Variants in PHKB observed in about 807,000 individuals in gnomAD.
PHKB encodes phosphorylase b kinase regulatory subunit beta.
PHKB carries 122 observed loss-of-function variants against 152.1 expected under a neutral mutation model. The observed-to-expected ratio is 0.80, with a 90% CI of 0.69 to 0.93. The LOEUF (loss-of-function observed/expected upper bound fraction) is 0.93, where lower values mean the gene tolerates loss of function less well. Among genes scored for constraint, PHKB ranks in the 40% least tolerant of loss-of-function variants. The probability of loss-of-function intolerance (pLI) is 0.00; values close to 1 mark genes in which losing one functional copy is unlikely to be tolerated. For missense variants in PHKB, 1,304 were observed against 1,328.4 expected, an observed-to-expected ratio of 0.98 and a Z score of 0.29; for synonymous variants, 436 against 464.9, an observed-to-expected ratio of 0.94 and a Z score of 0.80.
chr16:47,685,467 T>C (rs1212093271), intron 26 of PHKB, among the ~76,000 whole-genome samples: 5 of 152,140 alleles, frequency 3.3e-5, no homozygotes, highest in Non-Finnish European at 7.3e-5. Context: ...AATTATCAAA[T>C]CAGATTTTAT....
At position 47,643,935 on chromosome 16, in the gene PHKB, C is replaced by T. The variant is rs183470162; in HGVS notation, c.1608+2243C>T. On this transcript the variant is annotated intron_variant, in intron 16 of 30. Transcript: ENST00000323584. ...GGGTAGTTTCTGCTCTATGTATTTC[C>T]GGGTAGTTTGGTCACTACTGTGTCT... is the stretch of plus-strand genomic sequence containing the variant. Among the ~76,000 whole-genome samples, 8 of 152,170 alleles carry T rather than the reference C, an allele frequency of 5.3e-5. No individual in the cohort carries two copies. The South Asian group carries it at 8.3e-4, about 16-fold the overall frequency.
In PHKB at chr16:47,669,447, G is replaced by A. The variant is rs1402909691; in HGVS notation, c.2630+30G>A. Reference sequence around the variant, plus strand: ...GTGAAGTCCTTTGCATTTGCATAAAGAGAATTGTTCAAGTTGTCCTCTAAC... The same window carrying A: ...GTGAAGTCCTTTGCATTTGCATAAAAAGAATTGTTCAAGTTGTCCTCTAAC... On this transcript the variant is annotated intron_variant, in intron 26 of 30. Transcript: ENST00000323584. 4 of 1,599,952 alleles carry A rather than the reference G, an allele frequency of 2.5e-6. No homozygotes were observed. In the Admixed American group the frequency reaches 6.7e-5, roughly 27 times the overall value.
chr16:47,656,747 A>G (rs1973346246), intron 20 of PHKB, among the ~76,000 whole-genome samples: 2 of 151,976 alleles, frequency 1.3e-5, no homozygotes, highest in East Asian at 3.9e-4. Flanking sequence ...TGGCATCTAT[A>G]TGCTCCTCTT....
intron 13 of PHKB, among the ~76,000 whole-genome samples, chr16:47,605,315 T>C (rs997184733): frequency 6.6e-6 from 1 of 152,194 alleles, no homozygotes; most frequent in Non-Finnish European, 1.5e-5. Flanking sequence ...AACATCAAGC[T>C]AGATGAAGTG....
At chr16:47,692,045 C>T (rs1360037216) in intron 27 of PHKB, among the ~76,000 whole-genome samples, 2 of 152,164 alleles carry the variant, frequency 1.3e-5, no homozygotes, top group Non-Finnish European at 2.9e-5. Flanking sequence ...AACCCTTAGA[C>T]GTTTGAGCTT....
intron 1 of PHKB, among the ~76,000 whole-genome samples, chr16:47,481,925 A>G (rs974323363): frequency 1.3e-5 from 2 of 152,138 alleles, no homozygotes; most frequent in African/African-American, 4.8e-5. Flanking sequence ...TTAGCTATGA[A>G]GACCTTCTGT....
chr16:47,675,531 T>A (rs984891527), intron 26 of PHKB: 2 of 151,538 alleles, frequency 1.3e-5, no homozygotes, highest in South Asian at 2.1e-4. Flanking sequence ...TCTCTCTCTC[T>A]CTCTCTCTCT....
At chr16:47,470,696 C>T (rs1463006078) in intron 1 of PHKB, among the ~76,000 whole-genome samples, 2 of 152,352 alleles carry the variant, frequency 1.3e-5, no homozygotes, top group East Asian at 3.9e-4. Flanking sequence ...CCACTGCTGC[C>T]TTCCTTCTCT....
intron 8 of PHKB, among the ~76,000 whole-genome samples, chr16:47,584,957 C>T (rs1226756509): frequency 2.0e-5 from 3 of 152,120 alleles, no homozygotes. Flanking sequence ...ACAGTTGGTA[C>T]CCTTGGCCTT....
intron 1 of PHKB, among the ~76,000 whole-genome samples, chr16:47,495,239 C>T (rs1970212366): frequency 6.7e-6 from 1 of 148,796 alleles, no homozygotes. Context: ...ACTATAGTCC[C>T]TTAGTTCTTA....
At chr16:47,495,852 A>G (rs963029688) in intron 1 of PHKB, among the ~76,000 whole-genome samples, 4 of 152,178 alleles carry the variant, frequency 2.6e-5, no homozygotes, top group African/African-American at 9.7e-5. Context: ...CTATGGACCC[A>G]TTCCTGTTGG....
At chr16:47,547,121 G>A (rs1490839383) in intron 6 of PHKB, among the ~76,000 whole-genome samples, 8 of 152,150 alleles carry the variant, frequency 5.3e-5, no homozygotes, top group Admixed American at 1.3e-4. Flanking sequence ...TCCACTGTCC[G>A]ACTATTCCCA....
At chr16:47,549,760 A>T (rs1463620228) in intron 7 of PHKB, among the ~76,000 whole-genome samples, 2 of 152,192 alleles carry the variant, frequency 1.3e-5, no homozygotes, top group Non-Finnish European at 2.9e-5. Flanking sequence ...AAAAGTTACT[A>T]CTGACCCTAG....
intron 7 of PHKB, among the ~76,000 whole-genome samples, chr16:47,576,433 A>G (rs555556783): frequency 6.6e-6 from 1 of 152,326 alleles, no homozygotes; most frequent in Admixed American, 6.5e-5. Context: ...TTCAGCTTAC[A>G]TATTGCTGAA....
intron 7 of PHKB, among the ~76,000 whole-genome samples, chr16:47,553,468 A>G (rs1971310644): frequency 6.6e-6 from 1 of 152,024 alleles, no homozygotes; most frequent in East Asian, 1.9e-4. Flanking sequence ...GCTTCCTTGC[A>G]TTTGGTTAGA....
chr16:47,509,508 T>G (rs2151648392), intron 4 of PHKB, among the ~76,000 whole-genome samples: 1 of 152,328 alleles, frequency 6.6e-6, no homozygotes, highest in South Asian at 2.1e-4. Context: ...TAGAACTTTT[T>G]ATGAGCATAC....
chr16:47,650,947 T>A (rs1417112645), intron 20 of PHKB, 26 bp downstream of exon 20: 2 of 1,456,832 alleles, frequency 1.4e-6, no homozygotes, highest in South Asian at 2.3e-5. Context: ...TCAGTATGCA[T>A]CTATTTTCAG....
At chr16:47,594,011 AT>A in intron 11 of PHKB, 125 bp from the exon 12 acceptor site, 1 of 628,340 alleles carries the variant, frequency 1.6e-6, no homozygotes, top group East Asian at 2.8e-5. Flanking sequence ...TTCCACTTTA[AT>A]TTTACCATTG....
rs1008585640 is a variant in PHKB at position 47,588,916 on chromosome 16, T to G, written c.882T>G (p.Ala294=). The G allele has an allele frequency of 6.2e-7, 1 of 1,613,580 alleles. No homozygotes were observed. The highest frequency in any genetic ancestry group is 8.5e-7 in the Non-Finnish European group (1 of 1,179,574). The change falls in exon 10 of 31, where the codon GCT becomes GCG. Residue 294 remains alanine, a synonymous_variant. Coordinates refer to ENST00000323584, the MANE Select transcript of PHKB (RefSeq NM_000293.3). ...PRESRSHNTD[A]ALLPCISYPA... ...CTCATTGCCTCCAGAATACAGATGC[T>G]GCCCTGCTCCCCTGCATCAGTTATC...
Sources: gnomAD v4.1 joint callset for allele counts (sites outside exome capture counted in the v4.1 genomes callset) on GRCh38, gnomAD v4.1.1 for gene constraint, MANE v1.5 for transcripts, NCBI Gene and HGNC (gene_info 2026-07-23, HGNC 2026-07-21) for gene names.